ACER3: variants seen among roughly 807,000 people sequenced by gnomAD.
ACER3 encodes the protein alkaline ceramidase 3, also known as alkCDase 3.
In ACER3, 16 loss-of-function variants were observed where a neutral mutation model predicts 48.9. That is an observed-to-expected ratio of 0.33 (90% CI 0.22 to 0.50). The LOEUF is 0.50. Among genes scored for constraint, ACER3 ranks in the 20% least tolerant of loss-of-function variants. ACER3 has a pLI of 0.98. For synonymous variants in ACER3, 109 were observed against 107.8 expected, an observed-to-expected ratio of 1.01 and a Z score of -0.07; for missense variants, 227 against 326.0, an observed-to-expected ratio of 0.70 and a Z score of 2.34.
intron 4 of ACER3, among the ~76,000 whole-genome samples, chr11:76,981,199 C>T (rs1401941834): frequency 6.6e-6 from 1 of 152,174 alleles, no homozygotes; most frequent in African/African-American, 2.4e-5. Flanking sequence ...ATAAAAAGAG[C>T]ATGCAAAGCT....
intron 2 of ACER3, among the ~76,000 whole-genome samples, chr11:76,943,607 G>T (rs1020615237): frequency 6.6e-6 from 1 of 151,944 alleles, no homozygotes; most frequent in African/African-American, 2.4e-5. Context: ...GTTCCATGTG[G>T]TGATGAAAAT....
At chr11:76,958,889 C>T in intron 2 of ACER3, 90 bp from the exon 3 acceptor site, 4 of 1,404,016 alleles carry the variant, frequency 2.8e-6, no homozygotes, top group Non-Finnish European at 4.0e-6. Flanking sequence ...ATCCTTAACT[C>T]AATGCTTTGA....
intron 1 of ACER3, among the ~76,000 whole-genome samples, chr11:76,877,825 T>C (rs1236644433): frequency 1.3e-5 from 2 of 152,298 alleles, no homozygotes; most frequent in East Asian, 3.9e-4. Context: ...TATCATTTCC[T>C]AGCTTTTACC....
At chr11:76,993,810 G>A (rs1010125191) in intron 6 of ACER3, among the ~76,000 whole-genome samples, 8 of 152,156 alleles carry the variant, frequency 5.3e-5, no homozygotes, top group Non-Finnish European at 1.0e-4. Context: ...AATAGTGTTT[G>A]CGCTCCTATG....
In ACER3 at chr11:76,976,317, G is replaced by A; in HGVS notation, c.296G>A (p.Ser99Asn). 6.2e-7 allele frequency: 1 copy of A among 1,604,514 alleles called. No individual in the cohort carries two copies. The highest frequency in any genetic ancestry group is 8.5e-7 in the Non-Finnish European group (1 of 1,174,884). ...TTGGATGAACTCCCAATGATATACA[G>A]CTGTTGCATATTTGTGTACTGCATG... Reference protein sequence around the residue: ...QLLDELPMIYSCCIFVYCMFE... With the variant: ...QLLDELPMIYNCCIFVYCMFE... The change falls in exon 4 of 11, where the codon AGC becomes AAC. Residue 99 changes from serine to asparagine, a missense_variant. Transcript: ENST00000532485.
chr11:76,904,143 A>T (rs1436393797), intron 1 of ACER3, among the ~76,000 whole-genome samples: 4 of 151,860 alleles, frequency 2.6e-5, no homozygotes, highest in Non-Finnish European at 5.9e-5. Context: ...CACACCACCA[A>T]ACCCAGCTGA....
intron 2 of ACER3, among the ~76,000 whole-genome samples, chr11:76,944,297 C>A (rs1268290038): frequency 6.6e-6 from 1 of 152,010 alleles, no homozygotes; most frequent in Admixed American, 6.6e-5. Context: ...TTTTATAAGA[C>A]TTATGAGTTT....
intron 1 of ACER3, among the ~76,000 whole-genome samples, chr11:76,883,256 G>A (rs1945578431): frequency 6.6e-6 from 1 of 151,934 alleles, no homozygotes; most frequent in Non-Finnish European, 1.5e-5. Context: ...AGCTATTAGG[G>A]CCTTATTTTG....
At position 76,938,088 on chromosome 11, in the gene ACER3, C is replaced by G. The variant is rs139798282; in HGVS notation, c.214+11421C>G. Among the ~76,000 whole-genome samples the G allele has an allele frequency of 2.2e-4, 34 of 152,188 alleles. No homozygotes were observed. In the East Asian group the frequency reaches 5.0e-3, roughly 23 times the overall value. On this transcript the variant is annotated intron_variant, in intron 2 of 10. Transcript: ENST00000532485. Reference sequence around the variant, plus strand: ...GGAATGCAGTGGTGCAATCACGGCTCTCTACAGCCTTGACCTCAGGGCTCA... The same window carrying G: ...GGAATGCAGTGGTGCAATCACGGCTGTCTACAGCCTTGACCTCAGGGCTCA...
At chr11:76,932,486 G>T (rs567646555) in intron 2 of ACER3, among the ~76,000 whole-genome samples, 1 of 152,256 alleles carries the variant, frequency 6.6e-6, no homozygotes, top group East Asian at 1.9e-4. Flanking sequence ...CTTGTCTACA[G>T]ACTTATCCCT....
intron 1 of ACER3, among the ~76,000 whole-genome samples, chr11:76,900,378 G>A (rs1946049050): frequency 6.6e-6 from 1 of 152,134 alleles, no homozygotes; most frequent in Non-Finnish European, 1.5e-5. Context: ...GAAGACACAT[G>A]TAATTTCTGT....
chr11:76,861,205 A>C, intron 1 of ACER3, 126 bp downstream of exon 1: 7 of 865,482 alleles, frequency 8.1e-6, no homozygotes, highest in Admixed American at 2.5e-5. Flanking sequence ...GGGAGCTGGA[A>C]TGCGGCGCCC....
At chr11:76,889,180 T>C (rs1945747036) in intron 1 of ACER3, among the ~76,000 whole-genome samples, 1 of 152,054 alleles carries the variant, frequency 6.6e-6, no homozygotes, top group Non-Finnish European at 1.5e-5. Context: ...AAACCCAACC[T>C]CCTATGGTAC....
intron 1 of ACER3, among the ~76,000 whole-genome samples, chr11:76,864,940 T>A (rs1215208983): frequency 8.4e-6 from 1 of 119,388 alleles, no homozygotes; most frequent in Non-Finnish European, 1.9e-5. Flanking sequence ...TTTTTTTTTT[T>A]AGCCAGCTAC....
At chr11:76,887,421 A>G (rs975366572) in intron 1 of ACER3, among the ~76,000 whole-genome samples, 1 of 152,188 alleles carries the variant, frequency 6.6e-6, no homozygotes, top group East Asian at 1.9e-4. Flanking sequence ...GCTTGAAGTA[A>G]ATTTATATGC....
chr11:76,888,855 G>A (rs1298100532), intron 1 of ACER3, among the ~76,000 whole-genome samples: 2 of 152,182 alleles, frequency 1.3e-5, no homozygotes, highest in African/African-American at 2.4e-5. Flanking sequence ...TACACTAAAG[G>A]AGGGAGTTAC....
At chr11:76,871,210 A>C (rs918921912) in intron 1 of ACER3, among the ~76,000 whole-genome samples, 2 of 152,216 alleles carry the variant, frequency 1.3e-5, no homozygotes, top group Non-Finnish European at 2.9e-5. Flanking sequence ...TTTACTTACA[A>C]TAAAATGCAT....
At chr11:76,875,714 T>G (rs528758961) in intron 1 of ACER3, among the ~76,000 whole-genome samples, 1 of 150,640 alleles carries the variant, frequency 6.6e-6, no homozygotes, top group South Asian at 2.1e-4. Flanking sequence ...ACATTCAATG[T>G]AATACACAGT....
intron 7 of ACER3, among the ~76,000 whole-genome samples, chr11:77,008,685 T>C (rs1949203608): frequency 6.6e-6 from 1 of 152,212 alleles, no homozygotes; most frequent in Non-Finnish European, 1.5e-5. Context: ...TGAAAATTCC[T>C]CCTGTAACAA....
Sources: allele counts gnomAD v4.1 joint callset (sites outside exome capture counted in the v4.1 genomes callset), GRCh38; gene constraint gnomAD v4.1.1; transcripts MANE v1.5; gene names NCBI Gene and HGNC (gene_info 2026-07-23, HGNC 2026-07-21).